Variants in CAMK4 observed in about 807,000 individuals in gnomAD.
The protein encoded by CAMK4 is calcium/calmodulin-dependent protein kinase type IV.
Under a neutral mutation model 44.9 loss-of-function variants are expected in CAMK4, and 22 were observed. The observed-to-expected ratio is 0.49, with a 90% CI of 0.35 to 0.70. The LOEUF (loss-of-function observed/expected upper bound fraction) is 0.70, where lower values mean the gene tolerates loss of function less well. Among genes scored for constraint, CAMK4 ranks in the 30% least tolerant of loss-of-function variants. The probability of loss-of-function intolerance (pLI) is 0.01; values close to 1 mark genes in which losing one functional copy is unlikely to be tolerated. For synonymous variants in CAMK4, 218 were observed against 215.4 expected, an observed-to-expected ratio of 1.01 and a Z score of -0.11; for missense variants, 498 against 586.8, an observed-to-expected ratio of 0.85 and a Z score of 1.56.
rs1438118750 is a variant in CAMK4 at position 111,250,855 on chromosome 5, G to T, written c.161+26211G>T. Among the ~76,000 whole-genome samples the T allele has an allele frequency of 1.3e-5, 2 of 152,026 alleles. 1 individual carries two copies. The highest frequency in any genetic ancestry group is 4.1e-4 in the South Asian group (2 of 4,828). ...GATGGAATCTCCCTGTGTTGCCAGG[G>T]TGGTCTTGAACTCCTGGCCTCAAGC... On this transcript the variant is annotated intron_variant, in intron 1 of 10. Transcript: ENST00000282356.
At chr5:111,373,666 G>T (rs1378016875) in intron 2 of CAMK4, among the ~76,000 whole-genome samples, 2 of 152,076 alleles carry the variant, frequency 1.3e-5, no homozygotes, top group African/African-American at 4.8e-5. Flanking sequence ...GTAACTGAAA[G>T]GGGAGAACCC....
intron 1 of CAMK4, among the ~76,000 whole-genome samples, chr5:111,225,609 T>A (rs1748151440): frequency 6.6e-6 from 1 of 152,206 alleles, no homozygotes; most frequent in Non-Finnish European, 1.5e-5. Flanking sequence ...ACTACTCCTT[T>A]GCAATTTCAT....
chr5:111,354,448 A>AAT (rs200804542), intron 2 of CAMK4, among the ~76,000 whole-genome samples: 34 of 128,238 alleles, frequency 2.7e-4, no homozygotes, highest in South Asian at 9.0e-4. Context: ...CTCACCACAA[A>AAT]AAAAAAAAAA....
At chr5:111,339,922 G>T (rs1404656610) in intron 1 of CAMK4, among the ~76,000 whole-genome samples, 1 of 150,792 alleles carries the variant, frequency 6.6e-6, no homozygotes, top group Non-Finnish European at 1.5e-5. Flanking sequence ...ATAGTTTTCA[G>T]TATACAGATC....
intron 5 of CAMK4, among the ~76,000 whole-genome samples, chr5:111,438,405 C>T (rs776372241): frequency 2.6e-5 from 4 of 152,012 alleles, no homozygotes; most frequent in Non-Finnish European, 4.4e-5. Flanking sequence ...CTAAATGTAC[C>T]CTGTATCTGT....
chr5:111,478,155 G>T (rs1368898988), intron 8 of CAMK4, among the ~76,000 whole-genome samples: 1 of 150,642 alleles, frequency 6.6e-6, no homozygotes, highest in Non-Finnish European at 1.5e-5. Flanking sequence ...GCTTTTTGTA[G>T]AAATCCTAAG....
chr5:111,245,963 T>G (rs989003596), intron 1 of CAMK4, among the ~76,000 whole-genome samples: 2 of 152,250 alleles, frequency 1.3e-5, no homozygotes, highest in South Asian at 4.1e-4. Context: ...AAAGCATTGA[T>G]GTTAACATTA....
At chr5:111,461,836 A>AAAAAT (rs1561502491) in intron 7 of CAMK4, among the ~76,000 whole-genome samples, 2 of 150,838 alleles carry the variant, frequency 1.3e-5, no homozygotes, top group African/African-American at 4.9e-5. Context: ...AAAAAAAAAA[A>AAAAAT]TCCCAGCATT....
At chr5:111,332,829 A>G (rs1229059096) in intron 1 of CAMK4, among the ~76,000 whole-genome samples, 1 of 151,606 alleles carries the variant, frequency 6.6e-6, no homozygotes, top group African/African-American at 2.4e-5. Context: ...GAAAATTACA[A>G]CCAAATTGTG....
intron 1 of CAMK4, among the ~76,000 whole-genome samples, chr5:111,295,845 G>T (rs1304401291): frequency 6.6e-6 from 1 of 152,136 alleles, no homozygotes; most frequent in Non-Finnish European, 1.5e-5. Context: ...TTTTGGTCAC[G>T]TGGTTTCAAA....
chr5:111,405,322 G>A (rs542011438), intron 5 of CAMK4, among the ~76,000 whole-genome samples: 1 of 152,118 alleles, frequency 6.6e-6, no homozygotes, highest in Non-Finnish European at 1.5e-5. Flanking sequence ...ACAAAAATTA[G>A]CTGGGCATGG....
chr5:111,385,666 C>T (rs1375988784), intron 4 of CAMK4, among the ~76,000 whole-genome samples: 3 of 152,026 alleles, frequency 2.0e-5, no homozygotes, highest in Non-Finnish European at 1.5e-5. Context: ...CTCCACCTCC[C>T]GGGTTCACTC....
intron 1 of CAMK4, among the ~76,000 whole-genome samples, chr5:111,316,898 A>G (rs1477868883): frequency 2.0e-5 from 3 of 152,156 alleles, no homozygotes; most frequent in Admixed American, 6.5e-5. Context: ...CGAAGTGAAG[A>G]CATTTGACCT....
intron 1 of CAMK4, among the ~76,000 whole-genome samples, chr5:111,280,985 C>T (rs191132158): frequency 1.3e-5 from 2 of 152,292 alleles, no homozygotes; most frequent in Non-Finnish European, 2.9e-5. Flanking sequence ...TGATTTGGCC[C>T]TGCCAGTTAG....
At chr5:111,418,432 T>C (rs1752891957) in intron 5 of CAMK4, among the ~76,000 whole-genome samples, 3 of 128,106 alleles carry the variant, frequency 2.3e-5, no homozygotes, top group African/African-American at 9.4e-5. Flanking sequence ...TAACTTCTTA[T>C]CAGGAGACAG....
chr5:111,265,311 G>A (rs904868517), intron 1 of CAMK4, among the ~76,000 whole-genome samples: 2 of 152,194 alleles, frequency 1.3e-5, no homozygotes, highest in East Asian at 3.8e-4. Context: ...GGAACCAAAC[G>A]TGAATGTGGT....
chr5:111,254,543 A>G (rs1749656457), intron 1 of CAMK4, among the ~76,000 whole-genome samples: 1 of 152,226 alleles, frequency 6.6e-6, no homozygotes, highest in African/African-American at 2.4e-5. Flanking sequence ...AAAGTGTGTC[A>G]GAGATGATGT....
chr5:111,311,380 C>G (rs1466059171), intron 1 of CAMK4, among the ~76,000 whole-genome samples: 2 of 152,170 alleles, frequency 1.3e-5, no homozygotes, highest in African/African-American at 4.8e-5. Flanking sequence ...AGTGTTTATA[C>G]TTGTACCTCT....
chr5:111,267,647 T>A (rs1750312981), intron 1 of CAMK4, among the ~76,000 whole-genome samples: 1 of 130,948 alleles, frequency 7.6e-6, no homozygotes, highest in South Asian at 2.3e-4. Context: ...GAGCTTGCAG[T>A]GAGCGGAGAT....
Sources: gnomAD v4.1 joint callset for allele counts (sites outside exome capture counted in the v4.1 genomes callset) on GRCh38, gnomAD v4.1.1 for gene constraint, MANE v1.5 for transcripts, NCBI Gene and HGNC (gene_info 2026-07-23, HGNC 2026-07-21) for gene names.